PTPRD: variants seen among roughly 807,000 people sequenced by gnomAD.
PTPRD encodes the protein receptor-type tyrosine-protein phosphatase delta.
In PTPRD, 34 loss-of-function variants were observed where a neutral mutation model predicts 214.5. The observed-to-expected ratio is 0.16, with a 90% CI of 0.12 to 0.21. The LOEUF (loss-of-function observed/expected upper bound fraction) is 0.21. Ranked by LOEUF, PTPRD falls within the 10% of genes least tolerant of loss-of-function variation. The pLI, the probability that PTPRD is intolerant of heterozygous loss-of-function variation, is 1.00. For missense variants in PTPRD, 2,545 were observed against 2,398.7 expected (o/e 1.06, Z -1.27); for synonymous variants, 1,128 against 845.7 (o/e 1.33, Z -5.79).
intron 35 of PTPRD, among the ~76,000 whole-genome samples, chr9:8,417,963 T>C (rs10815862): frequency 0.12 from 18,715 of 152,144 alleles, 1,122 homozygotes; most frequent in East Asian, 0.14. Context: ...TATTGCACTC[T>C]GTGTCTACAT....
chr9:8,674,355 G>C (rs950318138), intron 12 of PTPRD, among the ~76,000 whole-genome samples: 3 of 150,900 alleles, frequency 2.0e-5, no homozygotes, highest in Non-Finnish European at 4.4e-5. Flanking sequence ...GCACTCAGGA[G>C]ACTGAGGCAG....
intron 2 of PTPRD, among the ~76,000 whole-genome samples, chr9:10,383,552 G>A (rs2097858757): frequency 6.6e-6 from 1 of 151,782 alleles, no homozygotes; most frequent in Admixed American, 6.6e-5. Context: ...ATCTTCAGCT[G>A]TTCTTATTTT....
chr9:8,997,201 T>C (rs538330410), intron 11 of PTPRD, among the ~76,000 whole-genome samples: 114 of 152,240 alleles, frequency 7.5e-4, no homozygotes, highest in Non-Finnish European at 1.5e-3. Flanking sequence ...TTATTATAAA[T>C]AAAAGTCAGA....
At chr9:8,330,233 G>A (rs1838699117) in intron 44 of PTPRD, among the ~76,000 whole-genome samples, 1 of 152,144 alleles carries the variant, frequency 6.6e-6, no homozygotes, top group South Asian at 2.1e-4. Flanking sequence ...CCAATGAGAT[G>A]AAATGGGAAA....
intron 12 of PTPRD, among the ~76,000 whole-genome samples, chr9:8,680,080 T>C (rs1019486767): frequency 2.6e-5 from 4 of 152,120 alleles, no homozygotes; most frequent in African/African-American, 9.6e-5. Flanking sequence ...TTAGATACTA[T>C]GATTCTTTTG....
chr9:8,707,057 C>G (rs1044101627), intron 12 of PTPRD, among the ~76,000 whole-genome samples: 11 of 152,266 alleles, frequency 7.2e-5, no homozygotes, highest in South Asian at 4.1e-4. Context: ...ATTTAATTAC[C>G]TAGACTAATT....
intron 9 of PTPRD, among the ~76,000 whole-genome samples, chr9:9,306,662 G>A (rs1400984637): frequency 6.6e-6 from 1 of 151,756 alleles, no homozygotes; most frequent in Non-Finnish European, 1.5e-5. Flanking sequence ...ACATTTTTAG[G>A]GTCATGCAGC....
chr9:9,233,310 T>C (rs2133932173), intron 9 of PTPRD, among the ~76,000 whole-genome samples: 1 of 152,220 alleles, frequency 6.6e-6, no homozygotes, highest in Admixed American at 6.5e-5. Context: ...CTCACTATCA[T>C]GAGAACAATA....
At chr9:10,510,339 T>C (rs1478298077) in intron 2 of PTPRD, among the ~76,000 whole-genome samples, 2 of 152,090 alleles carry the variant, frequency 1.3e-5, no homozygotes, top group East Asian at 3.9e-4. Context: ...TCACTTTTTA[T>C]AGTACACAGC....
chr9:9,416,887 T>C (rs2077146885), intron 8 of PTPRD, among the ~76,000 whole-genome samples: 1 of 151,930 alleles, frequency 6.6e-6, no homozygotes, highest in African/African-American at 2.4e-5. Context: ...AATTTTCAGA[T>C]GTTCACTGGG....
rs1236971998 is a variant in PTPRD, at chr9:9,022,820, A to T, written c.-142-4085T>A. On this transcript the variant is annotated intron_variant, in intron 10 of 45. Coordinates refer to ENST00000381196, the MANE Select transcript of PTPRD (RefSeq NM_002839.4). The stretch of plus-strand genomic sequence containing the variant: ...CTGCAAAATCTATATTGGAATATTC[A>T]AAAATGGTTGCTTTTACATATTCGT... Among the ~76,000 whole-genome samples, 8 of 152,316 alleles carry T rather than the reference A, an allele frequency of 5.3e-5. No homozygotes were observed. In the South Asian group the frequency reaches 8.3e-4, roughly 16 times the overall value.
intron 2 of PTPRD, among the ~76,000 whole-genome samples, chr9:10,349,825 T>G (rs1486402311): frequency 6.6e-6 from 1 of 152,236 alleles, no homozygotes; most frequent in Non-Finnish European, 1.5e-5. Context: ...CATCCCCAGC[T>G]AATTTTTTGT....
chr9:8,682,142 T>A (rs895778171), intron 12 of PTPRD, among the ~76,000 whole-genome samples: 1 of 152,160 alleles, frequency 6.6e-6, no homozygotes, highest in African/African-American at 2.4e-5. Context: ...AACCACACAA[T>A]GTGCAGAATG....
At chr9:9,860,024 A>T (rs981508988) in intron 5 of PTPRD, among the ~76,000 whole-genome samples, 11 of 152,234 alleles carry the variant, frequency 7.2e-5, no homozygotes, top group African/African-American at 2.7e-4. Context: ...ATAATATTTG[A>T]TTCTCCTGCA....
intron 10 of PTPRD, among the ~76,000 whole-genome samples, chr9:9,155,803 A>G (rs1331012589): frequency 2.0e-5 from 3 of 152,182 alleles, no homozygotes; most frequent in Non-Finnish European, 4.4e-5. Context: ...TTTGAAAACC[A>G]CTAATTTATC....
chr9:9,620,101 T>C (rs2095153434), intron 7 of PTPRD, among the ~76,000 whole-genome samples: 1 of 152,078 alleles, frequency 6.6e-6, no homozygotes, highest in Admixed American at 6.6e-5. Context: ...AATTTTCCAA[T>C]TGCCTGGGAT....
intron 11 of PTPRD, among the ~76,000 whole-genome samples, chr9:8,927,338 C>A (rs1485251630): frequency 6.6e-6 from 1 of 152,078 alleles, no homozygotes; most frequent in African/African-American, 2.4e-5. Flanking sequence ...CCATCATCTA[C>A]ATTAGGTATT....
At chr9:8,784,395 G>C (rs145549779) in intron 11 of PTPRD, among the ~76,000 whole-genome samples, 2 of 152,234 alleles carry the variant, frequency 1.3e-5, no homozygotes, top group East Asian at 1.9e-4. Flanking sequence ...ATGAAGTAAA[G>C]GCAGATATTT....
chr9:9,352,515 C>G (rs1398983692), intron 9 of PTPRD, among the ~76,000 whole-genome samples: 3 of 151,726 alleles, frequency 2.0e-5, no homozygotes, highest in Non-Finnish European at 4.4e-5. Context: ...ATTTTGCATT[C>G]TTTGGCTTCT....
Sources: gnomAD v4.1 joint callset for allele counts (sites outside exome capture counted in the v4.1 genomes callset) on GRCh38, gnomAD v4.1.1 for gene constraint, MANE v1.5 for transcripts, NCBI Gene and HGNC (gene_info 2026-07-23, HGNC 2026-07-21) for gene names.